Variants in MMP3 observed in about 807,000 individuals in gnomAD.
MMP3 encodes the protein stromelysin-1.
A neutral mutation model predicts 47.3 loss-of-function variants in MMP3; 46 were observed. That is an observed-to-expected ratio of 0.97 (90% CI 0.77 to 1.24). MMP3 has a LOEUF of 1.24. Ranked by LOEUF, MMP3 falls within the 50% of genes most tolerant of loss-of-function variation. MMP3 has a pLI of 0.00. For synonymous variants in MMP3, 216 were observed against 206.5 expected, an observed-to-expected ratio of 1.05 and a Z score of -0.39; for missense variants, 558 against 565.5, an observed-to-expected ratio of 0.99 and a Z score of 0.13.
At chr11:102,841,940 A>G (rs1859005442) in intron 4 of MMP3, among the ~76,000 whole-genome samples, 1 of 152,208 alleles carries the variant, frequency 6.6e-6, no homozygotes, top group African/African-American at 2.4e-5. Context: ...GAAATACTTA[A>G]TGATATTTCC....
rs1858897083 is a variant in MMP3, at chr11:102,837,180, GAGA to G, written c.1333+115_1333+117del. ...ACAAATGTAGGCGAATCAAAATTTT[GAGA>G]AGGGAACTGGCCCTAAGAAACACTT... On this transcript the variant is annotated intron_variant, in intron 9 of 9. Transcript: ENST00000299855. The surrounding 1 kb of genome is among the most constrained non-coding windows in gnomAD (Gnocchi z 4.4). The G allele has an allele frequency of 1.4e-6, 1 of 697,262 alleles. No individual in the cohort carries two copies. The highest frequency in any genetic ancestry group is 2.4e-6 in the Non-Finnish European group (1 of 411,022). 43.2% of individuals were successfully genotyped at this position (697,262 alleles called of 1,614,324 possible). A position where few individuals can be genotyped will look rare whatever the true frequency, so the allele number is the denominator to read the frequency against.
chr11:102,842,283 G>A lies in MMP3; in HGVS notation c.500-4C>T. 1 of 1,595,184 alleles carries A rather than the reference G, an allele frequency of 6.3e-7. No homozygotes were observed. On this transcript the variant is annotated splice_region_variant and splice_polypyrimidine_tract_variant and intron_variant, in intron 3 of 9. Coordinates refer to ENST00000299855, the MANE Select transcript of MMP3 (RefSeq NM_002422.5). Reference sequence around the variant, plus strand: ...AAAGGGTAAAAGTCTCCATGTTCTAGTAGGAAAAAAATTTATTGGAAAGAT... The same window carrying A: ...AAAGGGTAAAAGTCTCCATGTTCTAATAGGAAAAAAATTTATTGGAAAGAT...
chr11:102,839,374 A>G, intron 6 of MMP3, 131 bp from the exon 7 acceptor site: 2 of 1,027,034 alleles, frequency 1.9e-6, no homozygotes, highest in Admixed American at 2.6e-5. Context: ...GATAGAAATC[A>G]GGTATATTGC....
intron 4 of MMP3, 54 bp from the exon 5 acceptor site, chr11:102,840,647 A>ACACAGGT: frequency 6.4e-7 from 1 of 1,573,176 alleles, no homozygotes; most frequent in Non-Finnish European, 8.7e-7. Flanking sequence ...CATGTGCATT[A>ACACAGGT]CACAGGTCTG....
Position 102,837,114 on chromosome 11 carries a change from G to A in MMP3, c.1333+184C>T, listed in dbSNP as rs1158100416. On this transcript the variant is annotated intron_variant, in intron 9 of 9. Transcript: ENST00000299855. This position sits in a 1 kb window ranked among gnomAD's most constrained non-coding sequence, Gnocchi z 4.4. ...CGAGATTTGTGTAATTATCTTTATG[G>A]TTCCAAACAAGTTATTTTGTGAAGT... 6.6e-6 allele frequency among the ~76,000 whole-genome samples: 1 copy of A among 152,144 alleles called. No homozygotes were observed. The highest frequency in any genetic ancestry group is 1.5e-5 in the Non-Finnish European group (1 of 68,030).
At position 102,836,443 on chromosome 11, in the gene MMP3, G is replaced by A. The variant is rs1858883772; in HGVS notation, c.1334-217C>T. On this transcript the variant is annotated intron_variant, in intron 9 of 9. Transcript: ENST00000299855. This position sits in a 1 kb window ranked among gnomAD's most constrained non-coding sequence, Gnocchi z 4.6. Reference sequence around the variant, plus strand: ...ATGTCTAACTCCATTTACAGATTGAGCAAGTTGAGGTTGAGACAGATTTCG... The same window carrying A: ...ATGTCTAACTCCATTTACAGATTGAACAAGTTGAGGTTGAGACAGATTTCG... 1 of 619,350 alleles carries A rather than the reference G, an allele frequency of 1.6e-6. No homozygotes were observed. Among genetic ancestry groups the A allele is most frequent in the Non-Finnish European group, 3.1e-6 (1 of 323,140 alleles). The allele number at this position is 619,350 out of a possible 1,614,324, so 38.4% of individuals were successfully genotyped here.
rs3025063 is a variant in MMP3, at chr11:102,840,709, C to T, written c.626-116G>A. ...TTGGAACCACACAGGGCTTTTTACA[C>T]CTTGTTTGTTGGTTAATTGAACAAT... On this transcript the variant is annotated intron_variant, in intron 4 of 9. Transcript: ENST00000299855. 4,855 of 1,029,426 alleles carry T rather than the reference C, an allele frequency of 4.7e-3. 164 individuals carry two copies. The African/African-American group carries it at 0.07, about 15-fold the overall frequency. The allele number at this position is 1,029,426 out of a possible 1,614,324, so 63.8% of individuals were successfully genotyped here. A position where few individuals can be genotyped will look rare whatever the true frequency, so the allele number is the denominator to read the frequency against.
chr11:102,842,231 TG>T lies in MMP3; in HGVS notation c.547del (p.His183MetfsTer53), dbSNP rs782137879. ...PFDGPGNVLAHAYAPGPGING... is the reference protein window; with the variant it reads ...PFDGPGNVLAXAYAPGPGING... ...AATCCCTGGCCCAGGGGCATAGGCA[TG>T]GGCCAAAACATTTCCAGGTCCATCA... On this transcript the variant is annotated frameshift_variant, in exon 4 of 10. Transcript: ENST00000299855. LOFTEE classifies it high-confidence loss of function. 6.2e-6 allele frequency: 10 copies of T among 1,612,044 alleles called. No homozygotes were observed. The African/African-American group carries it at 1.2e-4, about 19-fold the overall frequency.
chr11:102,843,587 T>C lies in MMP3; in HGVS notation c.-41A>G, dbSNP rs1226263958. ...TTAGCTCTATGTTGTCTCTATGCCT[T>C]GCTGTCTTGCCTGCCTCCTTGTAGG... is the stretch of plus-strand genomic sequence containing the variant. On this transcript the variant is annotated 5_prime_UTR_variant, in exon 1 of 10. Transcript: ENST00000299855. The C allele has an allele frequency of 3.9e-6, 6 of 1,535,498 alleles. No individual in the cohort carries two copies. In the Admixed American group the frequency reaches 8.8e-5, roughly 23 times the overall value.
At chr11:102,839,981 A>G in intron 6 of MMP3, 127 bp downstream of exon 6, 1 of 1,084,064 alleles carries the variant, frequency 9.2e-7, no homozygotes, top group Non-Finnish European at 1.3e-6. Context: ...CCAGATCTAA[A>G]TGATTCCAAG....
chr11:102,839,346 C>A (rs1858950523), intron 6 of MMP3, 103 bp from the exon 7 acceptor site: 1 of 1,334,568 alleles, frequency 7.5e-7, no homozygotes, highest in Non-Finnish European at 1.1e-6. Context: ...ATTCTCTCAT[C>A]TTCTAGGCTG....
rs782532561 is a variant in MMP3 at position 102,836,127 on chromosome 11, C to T, written c.1433G>A (p.Ter478=). 1.5e-5 allele frequency: 24 copies of T among 1,612,228 alleles called. No individual in the cohort carries two copies. The highest frequency in any genetic ancestry group is 2.0e-5 in the Non-Finnish European group (24 of 1,178,556). The change falls in exon 10 of 10, where the codon TGA becomes TAA. Residue 478 remains the stop codon, a stop_retained_variant. Transcript: ENST00000299855. The surrounding 1 kb of genome is among the most constrained non-coding windows in gnomAD (Gnocchi z 4.6). ...TLKSNSWLNC[*] Reference sequence around the variant, plus strand: ...TATTGTGCCTTCTACATATCTCTTTCAACAATTAAGCCAGCTGTTACTCTT... The same window carrying T: ...TATTGTGCCTTCTACATATCTCTTTTAACAATTAAGCCAGCTGTTACTCTT...
In MMP3 at chr11:102,840,306, T is replaced by G. The variant is rs1858972212; in HGVS notation, c.791-54A>C. On this transcript the variant is annotated intron_variant, in intron 5 of 9. Coordinates refer to ENST00000299855, the MANE Select transcript of MMP3 (RefSeq NM_002422.5). ...ACGTTTCAATATATGCCCATTTGTA[T>G]GCTTTCCAAACATTCTCACGGTGCT... is the stretch of plus-strand genomic sequence containing the variant. The G allele has an allele frequency of 3.1e-6, 5 of 1,599,016 alleles. No homozygotes were observed. In the Admixed American group the frequency reaches 8.6e-5, roughly 28 times the overall value.
chr11:102,839,154 G>A lies in MMP3; in HGVS notation c.1025C>T (p.Ala342Val). The change falls in exon 7 of 10, where the codon GCC (alanine) becomes GTC (valine). Residue 342 changes from alanine (A) to valine (V), a missense_variant. Transcript: ENST00000299855. ...GTCCTTGCTAGTAACTTCATATGCGGCATCCACGCCTGAAGGAAGAGATGG... is the reference window on the plus strand; with the variant it reads ...GTCCTTGCTAGTAACTTCATATGCGACATCCACGCCTGAAGGAAGAGATGG... The part of the protein sequence containing the change: ...FWPSLPSGVD[A>V]AYEVTSKDLV... 1 of 1,614,084 alleles carries A rather than the reference G, an allele frequency of 6.2e-7. No individual in the cohort carries two copies. The highest frequency in any genetic ancestry group is 8.5e-7 in the Non-Finnish European group (1 of 1,179,982).
In MMP3 at chr11:102,843,530, A is replaced by AT; in HGVS notation, c.16dup (p.Ile6AsnfsTer22). ...AACTGCCACGCACAGCAACAGTAGG[A>AT]TTGGAAGACTCTTCATTTCCACTGG... On this transcript the variant is annotated frameshift_variant, in exon 1 of 10. Coordinates refer to ENST00000299855, the MANE Select transcript of MMP3 (RefSeq NM_002422.5). LOFTEE classifies it high-confidence loss of function. 6.2e-7 allele frequency: 1 copy of AT among 1,613,306 alleles called. No individual in the cohort carries two copies. Among genetic ancestry groups the AT allele is most frequent in the Non-Finnish European group, 8.5e-7 (1 of 1,179,650 alleles).
At chr11:102,838,225 G>A (rs1858920235) in intron 8 of MMP3, among the ~76,000 whole-genome samples, 2 of 152,096 alleles carry the variant, frequency 1.3e-5, no homozygotes, top group Non-Finnish European at 1.5e-5. Flanking sequence ...TAAAGTCCAC[G>A]AGGGAAAGCT....
rs1859008254 is a variant in MMP3, at chr11:102,842,149, C to A, written c.625+5G>T. On this transcript the variant is annotated splice_donor_5th_base_variant and intron_variant, in intron 4 of 9. Coordinates refer to ENST00000299855, the MANE Select transcript of MMP3 (RefSeq NM_002422.5). ...CAAAATCATTCTGAGAGATGTGTAA[C>A]TAACCTGTTGTATCCTTTGTCCATT... 6.4e-7 allele frequency: 1 copy of A among 1,563,350 alleles called. No homozygotes were observed. The highest frequency in any genetic ancestry group is 1.3e-5 in the South Asian group (1 of 79,164).
Position 102,843,461 on chromosome 11 carries a change from G to A in MMP3, c.86C>T (p.Thr29Ile), listed in dbSNP as rs782405107. 4 of 1,613,460 alleles carry A rather than the reference G, an allele frequency of 2.5e-6. No individual in the cohort carries two copies. Among genetic ancestry groups the A allele is most frequent in the Admixed American group, 1.7e-5 (1 of 59,922 alleles). The change falls in exon 1 of 10, where the codon ACC becomes ATC. Residue 29 changes from threonine (T) to isoleucine (I), a missense_variant. By Grantham distance (89) the Thr-to-Ile change is moderately conservative. Coordinates refer to ENST00000299855, the MANE Select transcript of MMP3 (RefSeq NM_002422.5). ...AATTACCTGAACAAGGTTCATGCTG[G>A]TGTCCTCACCCCTTGCAGCTCCATC... Reference protein sequence around the residue: ...PLDGAARGEDTSMNLVQKYLE... With the variant: ...PLDGAARGEDISMNLVQKYLE...
At chr11:102,839,836 G>T in intron 6 of MMP3, among the ~76,000 whole-genome samples, 1 of 152,144 alleles carries the variant, frequency 6.6e-6, no homozygotes, top group East Asian at 1.9e-4. Context: ...TTATTCGAAA[G>T]ATCTACTCAT....
Sources: allele counts gnomAD v4.1 joint callset (sites outside exome capture counted in the v4.1 genomes callset), GRCh38; gene constraint gnomAD v4.1.1; non-coding constraint Gnocchi (gnomAD v3.1); transcripts MANE v1.5; gene names NCBI Gene and HGNC (gene_info 2026-07-23, HGNC 2026-07-21).